ZMAT4: variants seen among roughly 807,000 people sequenced by gnomAD.
The protein encoded by ZMAT4 is zinc finger matrin-type protein 4.
Under a neutral mutation model 28.7 loss-of-function variants are expected in ZMAT4, and 17 were observed. The ratio of observed to expected loss-of-function variants is 0.59; its 90% CI spans 0.41 to 0.89. ZMAT4 has a LOEUF of 0.89. ZMAT4 is among the 40% of genes least tolerant of loss of function. The probability of loss-of-function intolerance (pLI) is 0.00; values close to 1 mark genes in which losing one functional copy is unlikely to be tolerated. For missense variants in ZMAT4, 240 were observed against 283.8 expected, an observed-to-expected ratio of 0.85 and a Z score of 1.11; for synonymous variants, 117 against 109.2, an observed-to-expected ratio of 1.07 and a Z score of -0.44.
intron 4 of ZMAT4, among the ~76,000 whole-genome samples, chr8:40,691,990 T>A (rs1271581674): frequency 3.3e-5 from 5 of 152,176 alleles, no homozygotes; most frequent in East Asian, 1.9e-4. Context: ...AAAACCACTG[T>A]TTTTTACCAT....
At chr8:40,647,899 G>C (rs1403700606) in intron 5 of ZMAT4, among the ~76,000 whole-genome samples, 1 of 152,162 alleles carries the variant, frequency 6.6e-6, no homozygotes, top group Non-Finnish European at 1.5e-5. Flanking sequence ...AAACAGAAAG[G>C]ACATCCACAC....
intron 6 of ZMAT4, among the ~76,000 whole-genome samples, chr8:40,551,000 C>G (rs1803353311): frequency 6.6e-6 from 1 of 152,040 alleles, no homozygotes; most frequent in African/African-American, 2.4e-5. Flanking sequence ...ATTTTCATGT[C>G]CCTACTATAT....
At chr8:40,588,831 T>C (rs1197372523) in intron 5 of ZMAT4, among the ~76,000 whole-genome samples, 1 of 152,156 alleles carries the variant, frequency 6.6e-6, no homozygotes, top group African/African-American at 2.4e-5. Context: ...AAAAGATTTT[T>C]ACAAGAATGT....
At chr8:40,721,946 T>A (rs7008418) in intron 3 of ZMAT4, among the ~76,000 whole-genome samples, 1 of 151,416 alleles carries the variant, frequency 6.6e-6, no homozygotes, top group Non-Finnish European at 1.5e-5. Context: ...TTTAATAAAT[T>A]GTGCTGGGAA....
Position 40,674,676 on chromosome 8 carries a change from T to A in ZMAT4, c.577+28A>T, listed in dbSNP as rs375071629. ...TCTTTTCTCTGAAAGCCCAGTTTTG[T>A]GGCAGAAGTGAGAAGAGCTGCCCTT... On this transcript the variant is annotated intron_variant, in intron 5 of 6. Transcript: ENST00000297737. 2.5e-6 allele frequency: 4 copies of A among 1,582,388 alleles called. No individual in the cohort carries two copies. In the African/African-American group the frequency reaches 4.0e-5, roughly 16 times the overall value.
chr8:40,599,655 C>T (rs1485384785), intron 5 of ZMAT4, among the ~76,000 whole-genome samples: 2 of 152,214 alleles, frequency 1.3e-5, no homozygotes, highest in African/African-American at 2.4e-5. Context: ...ACAAGAGCTG[C>T]GGAAGCAGAT....
At chr8:40,795,171 A>C (rs1814535341) in intron 2 of ZMAT4, among the ~76,000 whole-genome samples, 1 of 152,120 alleles carries the variant, frequency 6.6e-6, no homozygotes, top group South Asian at 2.1e-4. Context: ...CTTACCTTGA[A>C]AGCCCTAACC....
chr8:40,772,374 A>G (rs1332675583), intron 2 of ZMAT4, among the ~76,000 whole-genome samples: 1 of 152,116 alleles, frequency 6.6e-6, no homozygotes, highest in Non-Finnish European at 1.5e-5. Flanking sequence ...AACAAGACAA[A>G]CCTCTATTTC....
At chr8:40,563,225 C>A (rs1803805377) in intron 6 of ZMAT4, among the ~76,000 whole-genome samples, 1 of 152,198 alleles carries the variant, frequency 6.6e-6, no homozygotes, top group Non-Finnish European at 1.5e-5. Context: ...AGGCAGCTTT[C>A]TCTCATTACT....
At chr8:40,588,644 A>G (rs1372168692) in intron 5 of ZMAT4, among the ~76,000 whole-genome samples, 2 of 152,154 alleles carry the variant, frequency 1.3e-5, no homozygotes, top group South Asian at 2.1e-4. Context: ...ACCATATGGA[A>G]CAACTAGAAT....
chr8:40,600,046 A>G (rs1372384598), intron 5 of ZMAT4, among the ~76,000 whole-genome samples: 1 of 152,216 alleles, frequency 6.6e-6, no homozygotes, highest in East Asian at 1.9e-4. Flanking sequence ...TGCTTCAAAC[A>G]ACAATGTCAT....
intron 2 of ZMAT4, among the ~76,000 whole-genome samples, chr8:40,770,261 A>T (rs1452944185): frequency 6.6e-6 from 1 of 152,198 alleles, no homozygotes; most frequent in South Asian, 2.1e-4. Context: ...CCTGCCCACA[A>T]CTTCCAGCAG....
chr8:40,765,395 A>G (rs571486185), intron 3 of ZMAT4, among the ~76,000 whole-genome samples: 1 of 152,214 alleles, frequency 6.6e-6, no homozygotes, highest in African/African-American at 2.4e-5. Flanking sequence ...CTACAAATGT[A>G]CACACAGTGT....
In ZMAT4 at chr8:40,531,245, T is replaced by C. The variant is rs1305226795; in HGVS notation, c.*978A>G. 6.6e-6 allele frequency: 1 copy of C among 152,050 alleles called. No homozygotes were observed. Among genetic ancestry groups the C allele is most frequent in the Non-Finnish European group, 1.5e-5 (1 of 68,002 alleles). The allele number at this position is 152,050 out of a possible 1,614,324, so 9.4% of individuals were successfully genotyped here. On this transcript the variant is annotated 3_prime_UTR_variant, in exon 7 of 7. Transcript: ENST00000297737. ...TCATGCTCTTTCCAGAGTGACTGAG[T>C]CTTGGCTCAGCAGTAGGACTTCAGT...
At chr8:40,783,661 G>A (rs903249986) in intron 2 of ZMAT4, among the ~76,000 whole-genome samples, 1 of 151,952 alleles carries the variant, frequency 6.6e-6, no homozygotes, top group Non-Finnish European at 1.5e-5. Context: ...GCATATCTAG[G>A]AAACATGATA....
At chr8:40,702,216 T>C (rs921862776) in intron 3 of ZMAT4, among the ~76,000 whole-genome samples, 1 of 152,194 alleles carries the variant, frequency 6.6e-6, no homozygotes, top group African/African-American at 2.4e-5. Flanking sequence ...CAGGCTGTGG[T>C]GTTCTGTTAC....
At chr8:40,885,133 C>G (rs1818410122) in intron 1 of ZMAT4, among the ~76,000 whole-genome samples, 1 of 152,126 alleles carries the variant, frequency 6.6e-6, no homozygotes, top group South Asian at 2.1e-4. Context: ...CAGACCAAAA[C>G]ACAACTATCT....
intron 5 of ZMAT4, among the ~76,000 whole-genome samples, chr8:40,637,112 T>C (rs1377338447): frequency 6.7e-6 from 1 of 150,344 alleles, no homozygotes; most frequent in Non-Finnish European, 1.5e-5. Flanking sequence ...AAAAACTCTG[T>C]GATTCCCATT....
At position 40,864,084 on chromosome 8, in the gene ZMAT4, T is replaced by G. The variant is rs148974038; in HGVS notation, c.-5+33599A>C. Among the ~76,000 whole-genome samples, 437 of 152,330 alleles carry G rather than the reference T, an allele frequency of 2.9e-3. 13 individuals are homozygous for G. The highest frequency in any genetic ancestry group is 0.022 in the Admixed American group (334 of 15,308). On this transcript the variant is annotated intron_variant, in intron 1 of 6. Coordinates refer to ENST00000297737, the MANE Select transcript of ZMAT4 (RefSeq NM_024645.3). ...TCCCGGATTAAATAACTTTCTTAATTCTTTTCCCAATTAATGAATGCACCT... is the reference window on the plus strand; with the variant it reads ...TCCCGGATTAAATAACTTTCTTAATGCTTTTCCCAATTAATGAATGCACCT...
Sources: allele counts gnomAD v4.1 joint callset (sites outside exome capture counted in the v4.1 genomes callset), GRCh38; gene constraint gnomAD v4.1.1; transcripts MANE v1.5; gene names NCBI Gene and HGNC (gene_info 2026-07-23, HGNC 2026-07-21).